The following ATP13A4 variants were observed in gnomAD, a reference collection of about 807,000 sequenced individuals.
ATP13A4 encodes the protein ATPase 13A4, also known as probable cation-transporting ATPase 13A4.
Under a neutral mutation model 142.5 loss-of-function variants are expected in ATP13A4, and 114 were observed. That is an observed-to-expected ratio of 0.80 (90% CI 0.69 to 0.93). The LOEUF is 0.93. ATP13A4 is among the 40% of genes least tolerant of loss of function. The pLI is 0.00. For synonymous variants in ATP13A4, 488 were observed against 514.8 expected, an observed-to-expected ratio of 0.95 and a Z score of 0.70; for missense variants, 1,392 against 1,454.0, an observed-to-expected ratio of 0.96 and a Z score of 0.69.
At chr3:193,576,532 G>A (rs188149) in intron 2 of ATP13A4, among the ~76,000 whole-genome samples, 2 of 151,478 alleles carry the variant, frequency 1.3e-5, no homozygotes, top group East Asian at 1.9e-4. Context: ...CGGCCTCCCA[G>A]AGTGCTGGGA....
At chr3:193,448,365 T>A (rs750635399) in intron 17 of ATP13A4, 35 bp from the exon 18 acceptor site, 2 of 1,610,712 alleles carry the variant, frequency 1.2e-6, no homozygotes, top group Non-Finnish European at 1.7e-6. Context: ...TGAACAGAAA[T>A]AACACATATT....
chr3:193,448,021 T>C (rs1717054204), intron 18 of ATP13A4, among the ~76,000 whole-genome samples, 185 bp downstream of exon 18: 1 of 152,214 alleles, frequency 6.6e-6, no homozygotes, highest in African/African-American at 2.4e-5. Flanking sequence ...TTGGTTGATC[T>C]TCTCTCATTC....
intron 23 of ATP13A4, 57 bp from the exon 24 acceptor site, chr3:193,435,801 TC>T: frequency 7.0e-7 from 1 of 1,435,684 alleles, no homozygotes; most frequent in East Asian, 2.3e-5. Context: ...ATAAGGTCAG[TC>T]ATTCTGTGCT....
chr3:193,542,932 G>A (rs570680866), intron 1 of ATP13A4, among the ~76,000 whole-genome samples: 52 of 152,300 alleles, frequency 3.4e-4, no homozygotes, highest in East Asian at 2.9e-3. Context: ...TTGGGAGGCC[G>A]AGGTGGGCAG....
chr3:193,565,812 CAT>C (rs767681853), intron 2 of ATP13A4, among the ~76,000 whole-genome samples: 1 of 152,244 alleles, frequency 6.6e-6, no homozygotes, highest in Non-Finnish European at 1.5e-5. Flanking sequence ...TCGTGAGAAA[CAT>C]ATTCATTTCC....
At chr3:193,409,770 G>C (rs1391838786) in intron 28 of ATP13A4, among the ~76,000 whole-genome samples, 1 of 152,220 alleles carries the variant, frequency 6.6e-6, no homozygotes, top group Non-Finnish European at 1.5e-5. Flanking sequence ...TGTCACTGTG[G>C]GTTTGTGCAG....
intron 8 of ATP13A4, among the ~76,000 whole-genome samples, chr3:193,476,739 T>C (rs980326322): frequency 1.3e-5 from 2 of 151,922 alleles, no homozygotes; most frequent in African/African-American, 4.8e-5. Context: ...CTAATTTTAA[T>C]ACTGTTGGGT....
intron 25 of ATP13A4, among the ~76,000 whole-genome samples, chr3:193,426,524 T>C (rs554300956): frequency 6.6e-6 from 1 of 151,980 alleles, no homozygotes; most frequent in African/African-American, 2.4e-5. Context: ...CAGATTTATA[T>C]GAAATTATAA....
intron 24 of ATP13A4, 38 bp from the exon 25 acceptor site, chr3:193,433,955 C>A (rs533758164): frequency 1.0e-5 from 15 of 1,487,096 alleles, no homozygotes; most frequent in Non-Finnish European, 1.4e-5. Flanking sequence ...AAAGTTGTGA[C>A]CTTCTGGATG....
intron 2 of ATP13A4, among the ~76,000 whole-genome samples, chr3:193,506,707 T>C (rs545636889): frequency 6.6e-6 from 1 of 152,286 alleles, no homozygotes; most frequent in Admixed American, 6.5e-5. Flanking sequence ...GTTACACTCA[T>C]GCTGTTCTCA....
chr3:193,551,077 C>T (rs1468304047), intron 1 of ATP13A4, among the ~76,000 whole-genome samples: 1 of 152,212 alleles, frequency 6.6e-6, no homozygotes, highest in Non-Finnish European at 1.5e-5. Context: ...GATAACCCAG[C>T]TCCTCTCCAT....
At position 193,466,494 on chromosome 3, in the gene ATP13A4, G is replaced by T. The variant is rs1026372853; in HGVS notation, c.1115-312C>A. On this transcript the variant is annotated intron_variant, in intron 10 of 29. Transcript: ENST00000342695. ...TTTATTTTAAGAAAATGACTCAAAC[G>T]TGTGCACGCACACACATGTCACTGA... 2.0e-5 allele frequency among the ~76,000 whole-genome samples: 3 copies of T among 152,096 alleles called. 1 individual carries two copies. Among genetic ancestry groups the T allele is most frequent in the African/African-American group, 7.2e-5 (3 of 41,430 alleles).
At chr3:193,472,507 T>C (rs1338634890) in intron 8 of ATP13A4, among the ~76,000 whole-genome samples, 1 of 152,200 alleles carries the variant, frequency 6.6e-6, no homozygotes, top group Non-Finnish European at 1.5e-5. Context: ...CGTTCTCGAC[T>C]TAAAGAAAAC....
Position 193,431,603 on chromosome 3 carries a change from ATGTG to A in ATP13A4, c.2842+2238_2842+2241del, listed in dbSNP as rs139137306. 5.3e-3 allele frequency among the ~76,000 whole-genome samples: 784 copies of A among 147,028 alleles called. 9 individuals are homozygous for A. The highest frequency in any genetic ancestry group is 0.017 in the African/African-American group (701 of 40,356). On this transcript the variant is annotated intron_variant, in intron 25 of 29. Coordinates refer to ENST00000342695, the MANE Select transcript of ATP13A4 (RefSeq NM_032279.4). Reference sequence around the variant, plus strand: ...TAAAGTTACTTGTTTCTATATATGCATGTGTGTGTGTGTGTGTGTGTGTGTTTAC... The same window carrying A: ...TAAAGTTACTTGTTTCTATATATGCATGTGTGTGTGTGTGTGTGTGTTTAC...
In ATP13A4 at chr3:193,409,008, G is replaced by A. The variant is rs746596213; in HGVS notation, c.3298-1615C>T. Among the ~76,000 whole-genome samples, 4 of 152,156 alleles carry A rather than the reference G, an allele frequency of 2.6e-5. No individual in the cohort carries two copies. In the South Asian group the frequency reaches 8.3e-4, roughly 32 times the overall value. On this transcript the variant is annotated intron_variant, in intron 28 of 29. Coordinates refer to ENST00000342695, the MANE Select transcript of ATP13A4 (RefSeq NM_032279.4). ...TGTGGAAGAAGAATATACAAAATAT[G>A]TCCCAAAGTATGTAAAATAAACTAG...
At chr3:193,556,277 T>C (rs1723884844), upstream of ATP13A4, among the ~76,000 whole-genome samples, 1 of 152,322 alleles carries the variant, frequency 6.6e-6, no homozygotes, top group East Asian at 1.9e-4. Flanking sequence ...CTTCACCATG[T>C]CCACTGTCTG....
chr3:193,484,486 A>G (rs984172044), intron 7 of ATP13A4, among the ~76,000 whole-genome samples: 2 of 152,168 alleles, frequency 1.3e-5, no homozygotes, highest in South Asian at 2.1e-4. Flanking sequence ...CCACATTATT[A>G]GGAAACTATT....
chr3:193,404,098 T>C (rs1407072051), intron 29 of ATP13A4: 2 of 985,290 alleles, frequency 2.0e-6, no homozygotes, highest in African/African-American at 1.7e-5. Context: ...AGATGAGTTA[T>C]TCTACTTTCC....
At chr3:193,416,693 G>T (rs1196855538) in intron 25 of ATP13A4, among the ~76,000 whole-genome samples, 1 of 151,888 alleles carries the variant, frequency 6.6e-6, no homozygotes, top group East Asian at 1.9e-4. Context: ...AAAAAAAAAT[G>T]ATAAACAAAA....
Sources: gnomAD v4.1 joint callset for allele counts (sites outside exome capture counted in the v4.1 genomes callset) on GRCh38, gnomAD v4.1.1 for gene constraint, MANE v1.5 for transcripts, NCBI Gene and HGNC (gene_info 2026-07-23, HGNC 2026-07-21) for gene names.